Variants in SEMA4A observed in about 807,000 individuals in gnomAD.
The protein encoded by SEMA4A is semaphorin 4A, also known as semaphorin-4A.
Under a neutral mutation model 72.5 loss-of-function variants are expected in SEMA4A, and 52 were observed. The observed-to-expected ratio is 0.72, with a 90% confidence interval of 0.57 to 0.90. SEMA4A has a LOEUF of 0.90. Ranked by LOEUF, SEMA4A falls within the 40% of genes least tolerant of loss-of-function variation. SEMA4A has a pLI of 0.00. For synonymous variants in SEMA4A, 369 were observed against 393.1 expected, an observed-to-expected ratio of 0.94 and a Z score of 0.73; for missense variants, 926 against 959.7, an observed-to-expected ratio of 0.96 and a Z score of 0.46.
At chr1:156,155,349 GC>G (rs2102935952) in intron 2 of SEMA4A, 1 of 153,090 alleles carries the variant, frequency 6.5e-6, no homozygotes, top group South Asian at 2.0e-4. Context: ...TGTGTCTTTA[GC>G]ATCTTTCTGG....
At position 156,175,610 on chromosome 1, in the gene SEMA4A, T is replaced by C. The variant is rs957356693; in HGVS notation, c.1647T>C (p.Ser549=). 10 of 1,613,232 alleles carry C rather than the reference T, an allele frequency of 6.2e-6. No individual in the cohort carries two copies. The East Asian group carries it at 2.2e-4, about 36-fold the overall frequency. The change falls in exon 14 of 15, where the codon AGT becomes AGC. Residue 549 remains serine (S), a synonymous_variant. Coordinates refer to ENST00000368285, the MANE Select transcript of SEMA4A (RefSeq NM_022367.4). The stretch of plus-strand genomic sequence containing the variant: ...GGAACCCAGAGTGGGCATGTGCCAG[T>C]GGCCCCATGAGCAGGAGCCTTCGGC... ...ERGNPEWACA[S]GPMSRSLRPQ...
Position 156,172,987 on chromosome 1 carries a change from T to A in SEMA4A, c.1296T>A (p.Leu432=), listed in dbSNP as rs754520366. The A allele has an allele frequency of 4.3e-6, 7 of 1,613,916 alleles. No homozygotes were observed. Among genetic ancestry groups the A allele is most frequent in the African/African-American group, 1.3e-5 (1 of 74,944 alleles). Residue 432 remains leucine, a synonymous_variant, in exon 11 of 15, where the codon CTT becomes CTA. Transcript: ENST00000368285. ...AGGGCCTTGATGGGCACAGCCATCT[T>A]GTCATGTACCTGGGAACCAGTGAGT... The part of the protein sequence containing the change: ...TAQGLDGHSH[L]VMYLGTTTGS...
intron 7 of SEMA4A, 36 bp downstream of exon 7, chr1:156,160,595 G>A: frequency 6.4e-7 from 1 of 1,555,152 alleles, no homozygotes; most frequent in Non-Finnish European, 8.9e-7. Context: ...CCTTTCCTGA[G>A]TCCTGGTGAC....
chr1:156,170,670 G>A (rs1175926778), intron 10 of SEMA4A, among the ~76,000 whole-genome samples: 5 of 151,588 alleles, frequency 3.3e-5, no homozygotes, highest in African/African-American at 1.2e-4. Flanking sequence ...AGGCGAATGG[G>A]GTGAACCCGG....
chr1:156,150,108 G>T (rs1233116271), upstream of SEMA4A: 1 of 152,078 alleles, frequency 6.6e-6, no homozygotes, highest in African/African-American at 2.4e-5. Context: ...GGGAGCGGGG[G>T]AGCTGACAGT....
chr1:156,174,232 G>A (rs1655088531), intron 11 of SEMA4A, among the ~76,000 whole-genome samples: 1 of 152,222 alleles, frequency 6.6e-6, no homozygotes, highest in Admixed American at 6.5e-5. Flanking sequence ...AATTTGTCAA[G>A]TTCATTCATT....
intron 11 of SEMA4A, among the ~76,000 whole-genome samples, chr1:156,173,409 C>T (rs912878416): frequency 2.0e-5 from 3 of 151,910 alleles, no homozygotes; most frequent in African/African-American, 7.3e-5. Flanking sequence ...GAGTGGGGCG[C>T]AGCTGGGGTT....
chr1:156,151,400 G>A (rs929713026), upstream of SEMA4A, among the ~76,000 whole-genome samples: 4 of 152,226 alleles, frequency 2.6e-5, no homozygotes, highest in Admixed American at 6.5e-5. Flanking sequence ...GCACTGCTGG[G>A]GGCAGGGTGC....
At position 156,177,240 on chromosome 1, in the gene SEMA4A, C is replaced by T; in HGVS notation, c.*243C>T. The T allele has an allele frequency of 6.8e-6, 4 of 587,930 alleles. No individual in the cohort carries two copies. The highest frequency in any genetic ancestry group is 1.2e-5 in the Non-Finnish European group (4 of 327,218). 36.4% of individuals were successfully genotyped at this position (587,930 alleles called of 1,614,324 possible). The stretch of plus-strand genomic sequence containing the variant: ...TAACAGGGTGGGGGCTACCCCCAGA[C>T]CTGCTCCTACACTGATATTGAAGAA... On this transcript the variant is annotated 3_prime_UTR_variant, in exon 15 of 15. Coordinates refer to ENST00000368285, the MANE Select transcript of SEMA4A (RefSeq NM_022367.4).
intron 10 of SEMA4A, among the ~76,000 whole-genome samples, chr1:156,163,538 A>G (rs931751060): frequency 6.6e-6 from 1 of 151,958 alleles, no homozygotes; most frequent in Non-Finnish European, 1.5e-5. Flanking sequence ...CCTGGCTAAC[A>G]TGGTGAAACC....
At chr1:156,156,826 C>T (rs12239871) in intron 3 of SEMA4A, among the ~76,000 whole-genome samples, 13,443 of 151,318 alleles carry the variant, frequency 0.089, 1,108 homozygotes, top group African/African-American at 0.22. Context: ...TCACTGCAAC[C>T]TCCGCCTCCC....
At chr1:156,174,528 A>G (rs533354261) in intron 11 of SEMA4A, among the ~76,000 whole-genome samples, 2 of 152,148 alleles carry the variant, frequency 1.3e-5, no homozygotes, top group Non-Finnish European at 2.9e-5. Flanking sequence ...GTGATTTTCT[A>G]CAGAAGCACC....
Position 156,176,917 on chromosome 1 carries a change from C to T in SEMA4A, c.2206C>T (p.Leu736Phe). 1.2e-6 allele frequency: 2 copies of T among 1,614,254 alleles called. No individual in the cohort carries two copies. Among genetic ancestry groups the T allele is most frequent in the Non-Finnish European group, 1.7e-6 (2 of 1,180,054 alleles). ...EKAPLSREQH[L>F]QSPKECRTSA... The stretch of plus-strand genomic sequence containing the variant: ...GGCCCCGTTAAGCAGAGAGCAACAC[C>T]TCCAGTCTCCCAAGGAATGCAGGAC... The change falls in exon 15 of 15, where the codon CTC (leucine) becomes TTC (phenylalanine). Residue 736 changes from leucine to phenylalanine, a missense_variant. Transcript: ENST00000368285.
chr1:156,164,329 A>T (rs562854266), intron 10 of SEMA4A, among the ~76,000 whole-genome samples: 1 of 152,278 alleles, frequency 6.6e-6, no homozygotes, highest in African/African-American at 2.4e-5. Flanking sequence ...TTTCAGTTTC[A>T]GACAGTATCT....
intron 6 of SEMA4A, 41 bp from the exon 7 acceptor site, chr1:156,160,402 T>C: frequency 6.7e-7 from 1 of 1,500,668 alleles, no homozygotes. Flanking sequence ...AGAGGAACCC[T>C]CCACCCCATC....
chr1:156,173,077 C>G, intron 11 of SEMA4A, 71 bp downstream of exon 11: 1 of 1,432,272 alleles, frequency 7.0e-7, no homozygotes, highest in Non-Finnish European at 9.7e-7. Context: ...AGGAGGGAAA[C>G]CCTTGAGTTC....
At chr1:156,171,408 G>C (rs762980222) in intron 10 of SEMA4A, among the ~76,000 whole-genome samples, 3 of 152,182 alleles carry the variant, frequency 2.0e-5, no homozygotes, top group Admixed American at 6.6e-5. Flanking sequence ...TTCTCCCAGA[G>C]TCATGCAGCA....
At position 156,172,909 on chromosome 1, in the gene SEMA4A, C is replaced by T. The variant is rs370781138; in HGVS notation, c.1218C>T (p.Pro406=). ...TGGATGAGCAAGTGGTGGGGACGCC[C>T]CTGCTGGTGAAATCTGGCGTGGAGT... The part of the protein sequence containing the change: ...FLMDEQVVGT[P]LLVKSGVEYT... The change falls in exon 11 of 15, where the codon CCC becomes CCT. Residue 406 remains proline (P), a synonymous_variant. Transcript: ENST00000368285. 6.2e-7 allele frequency: 1 copy of T among 1,614,148 alleles called. No individual in the cohort carries two copies. Among genetic ancestry groups the T allele is most frequent in the Non-Finnish European group, 8.5e-7 (1 of 1,180,016 alleles).
chr1:156,177,109 T>A lies in SEMA4A; in HGVS notation c.*112T>A. On this transcript the variant is annotated 3_prime_UTR_variant, in exon 15 of 15. Coordinates refer to ENST00000368285, the MANE Select transcript of SEMA4A (RefSeq NM_022367.4). The stretch of plus-strand genomic sequence containing the variant: ...AGCACAAAAGACCACCTTTCTCCCC[T>A]GAGAGGAGCTTCTGCTACTCTGCAT... 1.1e-6 allele frequency: 1 copy of A among 910,720 alleles called. No homozygotes were observed. Among genetic ancestry groups the A allele is most frequent in the South Asian group, 1.4e-5 (1 of 72,358 alleles). The allele number at this position is 910,720 out of a possible 1,614,324, so 56.4% of individuals were successfully genotyped here.
Sources: allele counts gnomAD v4.1 joint callset (sites outside exome capture counted in the v4.1 genomes callset), GRCh38; gene constraint gnomAD v4.1.1; transcripts MANE v1.5; gene names NCBI Gene and HGNC (gene_info 2026-07-23, HGNC 2026-07-21).